The following DERA variants were observed in gnomAD, a reference collection of about 807,000 sequenced individuals.
The protein encoded by DERA is deoxyribose-phosphate aldolase.
A neutral mutation model predicts 41.1 loss-of-function variants in DERA; 15 were observed. That is an observed-to-expected ratio of 0.37 (90% CI 0.24 to 0.56). The LOEUF (loss-of-function observed/expected upper bound fraction) is 0.56. Ranked by LOEUF, DERA falls within the 20% of genes least tolerant of loss-of-function variation. The probability of loss-of-function intolerance (pLI) is 0.81; values close to 1 mark genes in which losing one functional copy is unlikely to be tolerated. For synonymous variants in DERA, 139 were observed against 137.4 expected, an observed-to-expected ratio of 1.01 and a Z score of -0.08; for missense variants, 396 against 403.4, an observed-to-expected ratio of 0.98 and a Z score of 0.16.
At chr12:15,971,977 A>G (rs1038138455) in intron 5 of DERA, 7 of 227,654 alleles carry the variant, frequency 3.1e-5, no homozygotes, top group Admixed American at 1.1e-4. Flanking sequence ...AAAGTACCAA[A>G]CAGTATAGCA....
chr12:15,926,295 G>C (rs1161663792), intron 1 of DERA, among the ~76,000 whole-genome samples: 2 of 152,068 alleles, frequency 1.3e-5, no homozygotes, highest in Non-Finnish European at 2.9e-5. Flanking sequence ...CTCAGTAGCT[G>C]GGACAACAGG....
chr12:16,033,989 A>G (rs1024653908), intron 7 of DERA, among the ~76,000 whole-genome samples: 1 of 152,218 alleles, frequency 6.6e-6, no homozygotes, highest in South Asian at 2.1e-4. Flanking sequence ...AGCTGTAAAA[A>G]TGATAAATCT....
At chr12:15,934,449 G>T (rs755608323) in intron 1 of DERA, among the ~76,000 whole-genome samples, 4 of 152,062 alleles carry the variant, frequency 2.6e-5, no homozygotes, top group Non-Finnish European at 5.9e-5. Flanking sequence ...AGCTGTGCGT[G>T]GTGGTGGGCA....
Position 15,982,494 on chromosome 12 carries a change from T to C in DERA, c.637+58T>C. ...TTGAATTGATGTTTTTAGGAGAAAT[T>C]AAGTAAGTGAAAGCATTTAGCTATT... On this transcript the variant is annotated intron_variant, in intron 6 of 8. Coordinates refer to ENST00000428559, the MANE Select transcript of DERA (RefSeq NM_015954.4). This position sits in a 1 kb window ranked among gnomAD's most constrained non-coding sequence, Gnocchi z 4.0. The C allele has an allele frequency of 6.7e-7, 1 of 1,501,220 alleles. No individual in the cohort carries two copies. The highest frequency in any genetic ancestry group is 8.9e-7 in the Non-Finnish European group (1 of 1,121,624). 93.0% of individuals were successfully genotyped at this position (1,501,220 alleles called of 1,614,324 possible).
Position 15,914,998 on chromosome 12 carries a change from A to AT in DERA, c.31+3591dup, listed in dbSNP as rs998374118. On this transcript the variant is annotated intron_variant, in intron 1 of 8. Coordinates refer to ENST00000428559, the MANE Select transcript of DERA (RefSeq NM_015954.4). Reference sequence around the variant, plus strand: ...TTGCCATGTTGGCCAGGTTGGTGGGATTTTTTTATTTTAAGAAGCACATTT... The same window carrying AT: ...TTGCCATGTTGGCCAGGTTGGTGGGATTTTTTTTATTTTAAGAAGCACATTT... 7.9e-5 allele frequency among the ~76,000 whole-genome samples: 12 copies of AT among 152,006 alleles called. No homozygotes were observed. The East Asian group carries it at 1.2e-3, about 15-fold the overall frequency.
chr12:16,003,519 G>A lies in DERA; in HGVS notation c.637+21083G>A, dbSNP rs539931520. 2.1e-4 allele frequency among the ~76,000 whole-genome samples: 32 copies of A among 152,152 alleles called. No homozygotes were observed. In the South Asian group the frequency reaches 6.2e-3, roughly 30 times the overall value. Reference sequence around the variant, plus strand: ...TTGTGTGCCTAAGGGCTGAGTGTTCGTTTTAGGTAAGAGAGAAACTGTGAG... The same window carrying A: ...TTGTGTGCCTAAGGGCTGAGTGTTCATTTTAGGTAAGAGAGAAACTGTGAG... On this transcript the variant is annotated intron_variant, in intron 6 of 8. Coordinates refer to ENST00000428559, the MANE Select transcript of DERA (RefSeq NM_015954.4). This position sits in a 1 kb window ranked among gnomAD's most constrained non-coding sequence, Gnocchi z 4.8.
Position 15,999,203 on chromosome 12 carries a change from T to G in DERA, c.637+16767T>G, listed in dbSNP as rs1465057312. Among the ~76,000 whole-genome samples, 1 of 152,156 alleles carries G rather than the reference T, an allele frequency of 6.6e-6. No individual in the cohort carries two copies. Among genetic ancestry groups the G allele is most frequent in the Non-Finnish European group, 1.5e-5 (1 of 68,026 alleles). On this transcript the variant is annotated intron_variant, in intron 6 of 8. Coordinates refer to ENST00000428559, the MANE Select transcript of DERA (RefSeq NM_015954.4). The surrounding 1 kb of genome is among the most constrained non-coding windows in gnomAD (Gnocchi z 5.3). ...CTCTGCCATCAGTACCTGGGGATAT[T>G]TCTTTCCCTCGAATGGGTTCATCCA...
Position 15,996,017 on chromosome 12 carries a change from G to A in DERA, c.637+13581G>A, listed in dbSNP as rs1451244170. Among the ~76,000 whole-genome samples, 1 of 152,104 alleles carries A rather than the reference G, an allele frequency of 6.6e-6. No individual in the cohort carries two copies. Among genetic ancestry groups the A allele is most frequent in the Non-Finnish European group, 1.5e-5 (1 of 68,032 alleles). ...CATCAGGAGGTAGGAGACGTTCGAG[G>A]CACAGGCTGAGTGAGCCTGATGGAG... On this transcript the variant is annotated intron_variant, in intron 6 of 8. Coordinates refer to ENST00000428559, the MANE Select transcript of DERA (RefSeq NM_015954.4). The surrounding 1 kb of genome is among the most constrained non-coding windows in gnomAD (Gnocchi z 4.7).
At chr12:15,932,299 G>A (rs1291273171) in intron 1 of DERA, among the ~76,000 whole-genome samples, 1 of 152,100 alleles carries the variant, frequency 6.6e-6, no homozygotes, top group Non-Finnish European at 1.5e-5. Context: ...ATGTGTGTGT[G>A]TTTTCCATAT....
rs915924209 is a variant in DERA, at chr12:15,996,976, T to C, written c.637+14540T>C. Among the ~76,000 whole-genome samples the C allele has an allele frequency of 2.0e-5, 3 of 152,216 alleles. No individual in the cohort carries two copies. The highest frequency in any genetic ancestry group is 7.2e-5 in the African/African-American group (3 of 41,456). ...AGGCATTAGGAGATAAATTTGCTTATGAGCAAGAGACAGATACTAACAGTA... is the reference window on the plus strand; with the variant it reads ...AGGCATTAGGAGATAAATTTGCTTACGAGCAAGAGACAGATACTAACAGTA... On this transcript the variant is annotated intron_variant, in intron 6 of 8. Transcript: ENST00000428559. This position sits in a 1 kb window ranked among gnomAD's most constrained non-coding sequence, Gnocchi z 4.7.
rs1948957402 is a variant in DERA, at chr12:16,013,084, G to C, written c.638-19458G>C. Among the ~76,000 whole-genome samples the C allele has an allele frequency of 6.6e-6, 1 of 152,138 alleles. No homozygotes were observed. The highest frequency in any genetic ancestry group is 2.1e-4 in the South Asian group (1 of 4,824). On this transcript the variant is annotated intron_variant, in intron 6 of 8. Transcript: ENST00000428559. This position sits in a 1 kb window ranked among gnomAD's most constrained non-coding sequence, Gnocchi z 5.8. ...TCAGTGACTCCCAGTTGGCATCATT[G>C]AGCTGGTCCTAAAAGGTCCTTTAAC...
chr12:15,964,818 A>G (rs1286298445), intron 5 of DERA, among the ~76,000 whole-genome samples: 4 of 152,238 alleles, frequency 2.6e-5, no homozygotes, highest in Non-Finnish European at 5.9e-5. Context: ...AAAATAAAAT[A>G]CAATAGGAGA....
intron 6 of DERA, among the ~76,000 whole-genome samples, chr12:16,027,183 A>G (rs554634868): frequency 8.5e-5 from 13 of 152,328 alleles, no homozygotes; most frequent in African/African-American, 2.6e-4. Flanking sequence ...CAGCCAACAT[A>G]CTTAATATTG....
At chr12:15,926,085 A>G (rs1948280861) in intron 1 of DERA, among the ~76,000 whole-genome samples, 1 of 150,648 alleles carries the variant, frequency 6.6e-6, no homozygotes, top group Non-Finnish European at 1.5e-5. Context: ...AGCCTCCCAA[A>G]GTGCTGGGAT....
chr12:15,927,078 C>A lies in DERA; in HGVS notation c.31+15664C>A, dbSNP rs368910366. On this transcript the variant is annotated intron_variant, in intron 1 of 8. Transcript: ENST00000428559. Reference sequence around the variant, plus strand: ...ATGTCTATCATGCTAACACATGATACTGATCAAGTAGTTACATAATAATAT... The same window carrying A: ...ATGTCTATCATGCTAACACATGATAATGATCAAGTAGTTACATAATAATAT... Among the ~76,000 whole-genome samples, 3 of 152,300 alleles carry A rather than the reference C, an allele frequency of 2.0e-5. No individual in the cohort carries two copies. The South Asian group carries it at 6.2e-4, about 32-fold the overall frequency.
intron 6 of DERA, among the ~76,000 whole-genome samples, chr12:15,986,339 T>A (rs1175477318): frequency 6.6e-6 from 1 of 152,218 alleles, no homozygotes; most frequent in Admixed American, 6.5e-5. Context: ...GTAATTGATA[T>A]AGTAGGAGTT....
chr12:16,002,346 T>G (rs1948881585), intron 6 of DERA, among the ~76,000 whole-genome samples: 1 of 152,048 alleles, frequency 6.6e-6, no homozygotes. Context: ...TATATAACCT[T>G]TAGTTAAATG....
Position 15,958,325 on chromosome 12 carries a change from G to A in DERA, c.267G>A (p.Met89Ile), listed in dbSNP as rs1290637926. 6.2e-7 allele frequency: 1 copy of A among 1,602,292 alleles called. No individual in the cohort carries two copies. The highest frequency in any genetic ancestry group is 8.5e-7 in the Non-Finnish European group (1 of 1,174,970). Residue 89 changes from methionine (M) to isoleucine (I), a missense_variant, in exon 3 of 9, where the codon ATG (methionine) becomes ATA (isoleucine). Physicochemically the swap from Met to Ile is conservative, Grantham distance 10 (BLOSUM62 1). Transcript: ENST00000428559. ...IREDLLKALNMHDKGITTAAV... is the reference protein window; with the variant it reads ...IREDLLKALNIHDKGITTAAV... The stretch of plus-strand genomic sequence containing the variant: ...AAGATCTCTTAAAAGCTTTAAATAT[G>A]CATGATAAAGGTAATGTTGTTGTGT...
At chr12:15,946,132 G>T (rs2136139302) in intron 1 of DERA, among the ~76,000 whole-genome samples, 1 of 152,314 alleles carries the variant, frequency 6.6e-6, no homozygotes. Flanking sequence ...CGGTTTGCCA[G>T]TATTTTATTG....
Sources: gnomAD v4.1 joint callset for allele counts (sites outside exome capture counted in the v4.1 genomes callset) on GRCh38, gnomAD v4.1.1 for gene constraint, Gnocchi (gnomAD v3.1) non-coding constraint, MANE v1.5 for transcripts, NCBI Gene and HGNC (gene_info 2026-07-23, HGNC 2026-07-21) for gene names.